Variants in GMDS observed in about 807,000 individuals in gnomAD.
The protein encoded by GMDS is GDP-mannose 4,6 dehydratase.
In GMDS, 20 loss-of-function variants were observed where a neutral mutation model predicts 49.9. The ratio of observed to expected loss-of-function variants is 0.40; its 90% confidence interval spans 0.28 to 0.58. GMDS has a LOEUF of 0.58. Ranked by LOEUF, GMDS falls within the 20% of genes least tolerant of loss-of-function variation. The probability of loss-of-function intolerance (pLI) is 0.42; values close to 1 mark genes in which losing one functional copy is unlikely to be tolerated. For missense variants in GMDS, 362 were observed against 481.4 expected, an observed-to-expected ratio of 0.75 and a Z score of 2.32; for synonymous variants, 177 against 178.6, an observed-to-expected ratio of 0.99 and a Z score of 0.07.
chr6:1,869,393 T>C (rs1008524449), intron 7 of GMDS, among the ~76,000 whole-genome samples: 1 of 152,142 alleles, frequency 6.6e-6, no homozygotes, highest in African/African-American at 2.4e-5. Context: ...TGTTTCTCTA[T>C]GGTGATCTAA....
At chr6:1,719,745 T>C (rs568220070) in intron 9 of GMDS, among the ~76,000 whole-genome samples, 2 of 152,358 alleles carry the variant, frequency 1.3e-5, no homozygotes, top group South Asian at 2.1e-4. Flanking sequence ...TAAGTAATTC[T>C]ATTCTTTAGG....
At chr6:1,798,220 T>C (rs1769811872) in intron 7 of GMDS, among the ~76,000 whole-genome samples, 1 of 141,360 alleles carries the variant, frequency 7.1e-6, no homozygotes, top group Admixed American at 7.4e-5. Flanking sequence ...ATGTATAAAT[T>C]TACTTCTAAT....
intron 7 of GMDS, among the ~76,000 whole-genome samples, chr6:1,808,807 C>A (rs1329479076): frequency 6.6e-6 from 1 of 151,902 alleles, no homozygotes; most frequent in African/African-American, 2.4e-5. Context: ...TAAACTGAAC[C>A]CAACATTACA....
chr6:1,981,804 A>C (rs1765234019), intron 4 of GMDS, among the ~76,000 whole-genome samples: 1 of 152,250 alleles, frequency 6.6e-6, no homozygotes, highest in Non-Finnish European at 1.5e-5. Flanking sequence ...ATCTGGCAGC[A>C]CATCAGAAAG....
chr6:2,240,601 CAA>C (rs57052982), intron 1 of GMDS, among the ~76,000 whole-genome samples: 37 of 84,046 alleles, frequency 4.4e-4, no homozygotes, highest in African/African-American at 7.7e-4. Flanking sequence ...AAGACTGTCT[CAA>C]AAAAAAAAAA....
At chr6:1,636,032 G>A (rs183979235) in intron 9 of GMDS, among the ~76,000 whole-genome samples, 9 of 152,246 alleles carry the variant, frequency 5.9e-5, no homozygotes, top group East Asian at 1.9e-4. Flanking sequence ...ACTAGGAGAC[G>A]ACAGAAAAGA....
At chr6:1,961,230 T>C (rs1763925037) in intron 4 of GMDS, among the ~76,000 whole-genome samples, 1 of 152,206 alleles carries the variant, frequency 6.6e-6, no homozygotes, top group East Asian at 1.9e-4. Flanking sequence ...CTGGAGTTCC[T>C]AGGGCATGGG....
intron 7 of GMDS, among the ~76,000 whole-genome samples, chr6:1,832,359 C>T (rs932556535): frequency 6.6e-6 from 1 of 151,884 alleles, no homozygotes; most frequent in Non-Finnish European, 1.5e-5. Flanking sequence ...AGCCACTGCA[C>T]TCTAGCCTGG....
intron 7 of GMDS, among the ~76,000 whole-genome samples, chr6:1,790,147 T>A (rs1769478506): frequency 6.6e-6 from 1 of 152,188 alleles, no homozygotes; most frequent in African/African-American, 2.4e-5. Flanking sequence ...ATCTTATCAA[T>A]CCTACTCACT....
At chr6:2,049,696 G>GTGAT (rs1770260926) in intron 4 of GMDS, among the ~76,000 whole-genome samples, 2 of 152,170 alleles carry the variant, frequency 1.3e-5, no homozygotes, top group Non-Finnish European at 2.9e-5. Context: ...GGAAGATGCT[G>GTGAT]TGATGACAGA....
chr6:2,174,017 A>G (rs1306079438), intron 1 of GMDS, among the ~76,000 whole-genome samples: 1 of 152,184 alleles, frequency 6.6e-6, no homozygotes, highest in Non-Finnish European at 1.5e-5. Flanking sequence ...ATCCCAATAC[A>G]TTATAATTAT....
At chr6:1,801,527 T>G (rs1210321455) in intron 7 of GMDS, among the ~76,000 whole-genome samples, 2 of 152,246 alleles carry the variant, frequency 1.3e-5, no homozygotes, top group Non-Finnish European at 2.9e-5. Flanking sequence ...CCGCAACATT[T>G]TCCATGCAAA....
At chr6:2,192,197 A>G (rs1292264552) in intron 1 of GMDS, among the ~76,000 whole-genome samples, 1 of 151,944 alleles carries the variant, frequency 6.6e-6, no homozygotes, top group Non-Finnish European at 1.5e-5. Flanking sequence ...TGACAGCTGA[A>G]CACTTGTTGG....
intron 7 of GMDS, among the ~76,000 whole-genome samples, chr6:1,821,611 GTTTTTTTTTTTTTTT>G (rs3039703): frequency 8.2e-5 from 9 of 109,854 alleles, no homozygotes; most frequent in African/African-American, 3.1e-4. Flanking sequence ...CAATTTATTT[GTTTTTTTTTTTTTTT>G]TTTTTTTTTT....
chr6:1,859,052 C>A (rs1437503707), intron 7 of GMDS, among the ~76,000 whole-genome samples: 1 of 152,200 alleles, frequency 6.6e-6, no homozygotes, highest in Non-Finnish European at 1.5e-5. Context: ...CCCTACAGGT[C>A]TGTGCTTTGT....
At chr6:2,151,406 T>G (rs1776837448) in intron 1 of GMDS, among the ~76,000 whole-genome samples, 1 of 152,094 alleles carries the variant, frequency 6.6e-6, no homozygotes, top group African/African-American at 2.4e-5. Context: ...TTATCTCATG[T>G]AAATATGAAT....
chr6:2,237,324 T>C (rs1046030257), intron 1 of GMDS, among the ~76,000 whole-genome samples: 2 of 152,302 alleles, frequency 1.3e-5, no homozygotes, highest in African/African-American at 4.8e-5. Context: ...GCCAAGAACA[T>C]TACTGATAAT....
At chr6:1,716,594 G>C (rs185201917) in intron 9 of GMDS, among the ~76,000 whole-genome samples, 1 of 152,184 alleles carries the variant, frequency 6.6e-6, no homozygotes, top group East Asian at 1.9e-4. Context: ...TGCTGGCTGC[G>C]TGAGAGAAGG....
chr6:1,828,406 A>C (rs927963618), intron 7 of GMDS, among the ~76,000 whole-genome samples: 2 of 152,224 alleles, frequency 1.3e-5, no homozygotes, highest in Admixed American at 1.3e-4. Context: ...ATAACTTCCC[A>C]AATTTGATGA....
Sources: gnomAD v4.1 joint callset for allele counts (sites outside exome capture counted in the v4.1 genomes callset) on GRCh38, gnomAD v4.1.1 for gene constraint, MANE v1.5 for transcripts, NCBI Gene and HGNC (gene_info 2026-07-23, HGNC 2026-07-21) for gene names.